CHAF1B: variants seen among roughly 807,000 people sequenced by gnomAD.
CHAF1B encodes the protein CAF-1 subunit B.
CHAF1B carries 10 observed loss-of-function variants against 60.7 expected under a neutral mutation model. The ratio of observed to expected loss-of-function variants is 0.16; its 90% confidence interval spans 0.10 to 0.28. CHAF1B has a LOEUF of 0.28. Among genes scored for constraint, CHAF1B ranks in the 10% least tolerant of loss-of-function variants. The pLI is 1.00. For synonymous variants in CHAF1B, 261 were observed against 266.1 expected (o/e 0.98, Z 0.19); for missense variants, 558 against 708.4 (o/e 0.79, Z 2.41).
chr21:36,414,849 G>A (rs536409942), intron 12 of CHAF1B, among the ~76,000 whole-genome samples: 5 of 152,218 alleles, frequency 3.3e-5, no homozygotes, highest in Non-Finnish European at 7.3e-5. Context: ...CTGACCTCAA[G>A]TGATCTGCCC....
At chr21:36,407,635 T>C (rs965994435) in intron 8 of CHAF1B, among the ~76,000 whole-genome samples, 1 of 151,964 alleles carries the variant, frequency 6.6e-6, no homozygotes, top group Non-Finnish European at 1.5e-5. Context: ...GACATAATGG[T>C]TTGTTGAATG....
intron 3 of CHAF1B, among the ~76,000 whole-genome samples, chr21:36,389,800 T>TGTGTGTGCGTGCGCGC: frequency 2.4e-5 from 3 of 124,746 alleles, no homozygotes; most frequent in African/African-American, 1.1e-4. Flanking sequence ...TGTGTGTGTG[T>TGTGTGTGCGTGCGCGC]GCGCGCGCAC....
chr21:36,412,935 A>G lies in CHAF1B; in HGVS notation c.1113A>G (p.Ser371=), dbSNP rs142817288. The G allele has an allele frequency of 3.4e-4, 552 of 1,614,056 alleles. No homozygotes were observed. The highest frequency in any genetic ancestry group is 4.4e-4 in the Non-Finnish European group (525 of 1,180,048). The change falls in exon 12 of 14, where the codon TCA becomes TCG. Residue 371 remains serine (S), a synonymous_variant. Coordinates refer to ENST00000314103, the MANE Select transcript of CHAF1B (RefSeq NM_005441.3). ...LAISSTDGYC[S]FVTFEKDELG... ...TTTCTTCCACGGACGGTTACTGCTC[A>G]TTTGTGACATTTGAGAAAGATGAAC... is the stretch of plus-strand genomic sequence containing the variant.
chr21:36,417,264 C>T lies in CHAF1B; in HGVS notation c.*898C>T, dbSNP rs2086326729. On this transcript the variant is annotated 3_prime_UTR_variant, in exon 14 of 14. Coordinates refer to ENST00000314103, the MANE Select transcript of CHAF1B (RefSeq NM_005441.3). ...TTTCACACACACATGCACCCACACA[C>T]ACACATATATATGATACATATATAT... The T allele has an allele frequency of 1.3e-5, 2 of 151,178 alleles. No individual in the cohort carries two copies. The highest frequency in any genetic ancestry group is 4.9e-5 in the African/African-American group (2 of 41,022). 9.4% of individuals were successfully genotyped at this position (151,178 alleles called of 1,614,324 possible). A position where few individuals can be genotyped will look rare whatever the true frequency, so the allele number is the denominator to read the frequency against.
At chr21:36,390,270 T>C (rs1464422137) in intron 3 of CHAF1B, among the ~76,000 whole-genome samples, 2 of 150,034 alleles carry the variant, frequency 1.3e-5, no homozygotes, top group African/African-American at 4.9e-5. Flanking sequence ...GAGGCGAAGG[T>C]TGTGGTGAGC....
chr21:36,393,414 A>C (rs2086108962), intron 4 of CHAF1B, among the ~76,000 whole-genome samples: 1 of 151,520 alleles, frequency 6.6e-6, no homozygotes, highest in South Asian at 2.1e-4. Flanking sequence ...TTTTCTTAGT[A>C]AAAAGTATTC....
intron 7 of CHAF1B, among the ~76,000 whole-genome samples, chr21:36,400,457 G>A (rs112578378): frequency 0.047 from 7,116 of 152,088 alleles, 529 homozygotes; most frequent in African/African-American, 0.16. Context: ...GGTGACAAGA[G>A]CGAAACTCAG....
intron 3 of CHAF1B, among the ~76,000 whole-genome samples, 174 bp downstream of exon 3, chr21:36,387,904 C>T (rs543171010): frequency 5.3e-5 from 8 of 151,970 alleles, no homozygotes; most frequent in African/African-American, 1.7e-4. Context: ...CTGCAACCTC[C>T]GCCTCCTGGG....
At chr21:36,407,432 C>T (rs2086247000) in intron 8 of CHAF1B, among the ~76,000 whole-genome samples, 1 of 151,946 alleles carries the variant, frequency 6.6e-6, no homozygotes, top group African/African-American at 2.4e-5. Context: ...AAATATTATG[C>T]AGCTACAAAA....
In CHAF1B at chr21:36,397,404, T is replaced by G. The variant is rs1445619908; in HGVS notation, c.482-11T>G. On this transcript the variant is annotated splice_polypyrimidine_tract_variant and intron_variant, in intron 5 of 13. Coordinates refer to ENST00000314103, the MANE Select transcript of CHAF1B (RefSeq NM_005441.3). Reference sequence around the variant, plus strand: ...GCTGTTTTGGTGCGTGTGTGTGTGTTTTTTTTGTAGGACAAAAGATATCAA... The same window carrying G: ...GCTGTTTTGGTGCGTGTGTGTGTGTGTTTTTTGTAGGACAAAAGATATCAA... The G allele has an allele frequency of 2.0e-5, 29 of 1,443,564 alleles. No homozygotes were observed. The highest frequency in any genetic ancestry group is 2.7e-5 in the Non-Finnish European group (28 of 1,055,856). The allele number at this position is 1,443,564 out of a possible 1,614,324, so 89.4% of individuals were successfully genotyped here.
intron 8 of CHAF1B, among the ~76,000 whole-genome samples, chr21:36,404,358 G>A (rs959783018): frequency 1.0e-4 from 15 of 148,972 alleles, no homozygotes; most frequent in Admixed American, 2.0e-4. Context: ...CTTGGCCTCC[G>A]AAAGTGCTGG....
intron 4 of CHAF1B, among the ~76,000 whole-genome samples, chr21:36,393,152 G>C (rs1467945043): frequency 6.6e-6 from 1 of 152,244 alleles, no homozygotes; most frequent in Middle Eastern, 3.2e-3. Flanking sequence ...AGTGAGCCGA[G>C]ATGGCGGCAG....
chr21:36,388,125 GA>G (rs1569119126), intron 3 of CHAF1B, among the ~76,000 whole-genome samples: 1 of 151,998 alleles, frequency 6.6e-6, no homozygotes, highest in South Asian at 2.1e-4. Flanking sequence ...GCCCGGCCTG[GA>G]TATGCTTTTT....
At chr21:36,390,292 C>T (rs1232017820) in intron 3 of CHAF1B, among the ~76,000 whole-genome samples, 2 of 143,898 alleles carry the variant, frequency 1.4e-5, no homozygotes, top group Non-Finnish European at 3.0e-5. Flanking sequence ...AAGATTGCAC[C>T]ATTGCACTCC....
intron 13 of CHAF1B, chr21:36,415,905 A>C (rs2086315450): frequency 3.1e-6 from 1 of 324,006 alleles, no homozygotes; most frequent in African/African-American, 2.2e-5. Context: ...GGCGTGCGCC[A>C]TCACACCCGG....
At chr21:36,393,850 T>C (rs1014998895) in intron 4 of CHAF1B, among the ~76,000 whole-genome samples, 18 of 152,138 alleles carry the variant, frequency 1.2e-4, no homozygotes, top group African/African-American at 4.3e-4. Context: ...GTTCTGGAGA[T>C]TGTCCTTATA....
chr21:36,402,953 T>C, intron 8 of CHAF1B, 102 bp downstream of exon 8: 1 of 985,446 alleles, frequency 1.0e-6, no homozygotes. Flanking sequence ...CTGATTAGAG[T>C]GGGGGTCCCC....
chr21:36,396,535 T>C (rs1027275062), intron 5 of CHAF1B, among the ~76,000 whole-genome samples: 1 of 151,582 alleles, frequency 6.6e-6, no homozygotes, highest in Non-Finnish European at 1.5e-5. Flanking sequence ...TGGTAGTACA[T>C]GCCTATAGTC....
intron 8 of CHAF1B, among the ~76,000 whole-genome samples, chr21:36,405,636 G>A (rs1014535029): frequency 6.6e-6 from 1 of 151,958 alleles, no homozygotes; most frequent in Non-Finnish European, 1.5e-5. Context: ...TTGCTATGTT[G>A]CCCAGGCTGG....
Sources: allele counts gnomAD v4.1 joint callset (sites outside exome capture counted in the v4.1 genomes callset), GRCh38; gene constraint gnomAD v4.1.1; transcripts MANE v1.5; gene names NCBI Gene and HGNC (gene_info 2026-07-23, HGNC 2026-07-21).